The following FMNL2 variants were observed in gnomAD, a reference collection of about 807,000 sequenced individuals.
FMNL2 encodes formin like 2, also known as formin-like protein 2.
A neutral mutation model predicts 130.2 loss-of-function variants in FMNL2; 51 were observed. The observed-to-expected ratio is 0.39, with a 90% CI of 0.31 to 0.49. The LOEUF (loss-of-function observed/expected upper bound fraction) is 0.49. Ranked by LOEUF, FMNL2 falls within the 20% of genes least tolerant of loss-of-function variation. The pLI is 0.85. For missense variants in FMNL2, 977 were observed against 1,316.2 expected (o/e 0.74, Z 3.99); for synonymous variants, 465 against 467.1 (o/e 1.00, Z 0.06).
intron 1 of FMNL2, among the ~76,000 whole-genome samples, chr2:152,412,394 C>T (rs1471178784): frequency 7.1e-6 from 1 of 140,552 alleles, no homozygotes. Flanking sequence ...TTTTCTGATT[C>T]TGTCTCTTCT....
At chr2:152,356,957 T>TAA (rs1290057399) in intron 1 of FMNL2, among the ~76,000 whole-genome samples, 1 of 149,074 alleles carries the variant, frequency 6.7e-6, no homozygotes. Context: ...GTAATATATA[T>TAA]AACGATAAAT....
At chr2:152,602,726 G>A (rs1044784094) in intron 9 of FMNL2, among the ~76,000 whole-genome samples, 2 of 152,342 alleles carry the variant, frequency 1.3e-5, no homozygotes, top group Admixed American at 6.5e-5. Context: ...TATAGAATGT[G>A]TAATGATGTA....
rs199978021 is a variant in FMNL2, at chr2:152,515,385, T to A, written c.118-6558T>A. On this transcript the variant is annotated intron_variant, in intron 1 of 25. Transcript: ENST00000288670. ...TATTAAGTATATATTGATTTGACAC[T>A]GTACCTTGCTATCTGTATTCAGCCC... Among the ~76,000 whole-genome samples the A allele has an allele frequency of 2.0e-5, 3 of 152,316 alleles. No homozygotes were observed. The East Asian group carries it at 5.8e-4, about 29-fold the overall frequency.
chr2:152,527,882 C>T (rs777866050), intron 2 of FMNL2, among the ~76,000 whole-genome samples: 16 of 152,030 alleles, frequency 1.1e-4, no homozygotes, highest in South Asian at 4.1e-4. Context: ...CAGGATAAAT[C>T]ATTTCTCCAA....
intron 25 of FMNL2, chr2:152,643,942 T>A (rs1304610745): frequency 3.1e-6 from 3 of 960,708 alleles, no homozygotes; most frequent in Admixed American, 1.2e-4. Context: ...GAACTTACTG[T>A]GTTCAGGTTG....
chr2:152,605,450 C>T (rs989012554), intron 9 of FMNL2, among the ~76,000 whole-genome samples: 106 of 152,256 alleles, frequency 7.0e-4, no homozygotes, highest in African/African-American at 2.3e-3. Flanking sequence ...TCCTGAGTAG[C>T]TGGGACTACA....
At chr2:152,646,167 A>G (rs375844544) in intron 25 of FMNL2, among the ~76,000 whole-genome samples, 10 of 150,246 alleles carry the variant, frequency 6.7e-5, no homozygotes, top group Admixed American at 3.3e-4. Flanking sequence ...CAAAAAAAAA[A>G]AAACAAACAA....
chr2:152,375,897 A>ATAT (rs1553871972), intron 1 of FMNL2, among the ~76,000 whole-genome samples: 3 of 119,886 alleles, frequency 2.5e-5, no homozygotes, highest in African/African-American at 9.3e-5. Flanking sequence ...ATATATATAT[A>ATAT]ATTATTATTA....
chr2:152,448,059 G>T (rs946779342), intron 1 of FMNL2, among the ~76,000 whole-genome samples: 1 of 152,048 alleles, frequency 6.6e-6, no homozygotes, highest in Non-Finnish European at 1.5e-5. Flanking sequence ...AAGCCTGCAG[G>T]TTGAACTCAT....
intron 1 of FMNL2, among the ~76,000 whole-genome samples, chr2:152,476,999 G>A (rs16831174): frequency 0.13 from 19,313 of 151,994 alleles, 1,505 homozygotes; most frequent in East Asian, 0.27. Flanking sequence ...CTTATTTATC[G>A]TCTCAAGCTT....
chr2:152,487,563 A>T (rs1314631233), intron 1 of FMNL2, among the ~76,000 whole-genome samples: 1 of 152,208 alleles, frequency 6.6e-6, no homozygotes, highest in Non-Finnish European at 1.5e-5. Context: ...TTTTAACTTA[A>T]AAGTGGAACC....
chr2:152,394,141 T>C (rs1355518956), intron 1 of FMNL2, among the ~76,000 whole-genome samples: 2 of 152,204 alleles, frequency 1.3e-5, no homozygotes, highest in African/African-American at 4.8e-5. Context: ...TTTGAATTTC[T>C]TACAACATCA....
At chr2:152,601,303 C>CTTTTTTCT (rs1553484829) in intron 9 of FMNL2, among the ~76,000 whole-genome samples, 1 of 134,744 alleles carries the variant, frequency 7.4e-6, no homozygotes, top group Admixed American at 7.8e-5. Context: ...TTTCTTTTTT[C>CTTTTTTCT]TTTTTTTTTT....
At chr2:152,389,838 T>C (rs1685001822) in intron 1 of FMNL2, 6 of 1,161,200 alleles carry the variant, frequency 5.2e-6, no homozygotes, top group Non-Finnish European at 7.7e-6. Context: ...CAAAGAAGCT[T>C]ATCATACAGA....
chr2:152,507,816 G>A (rs958788600), intron 1 of FMNL2, among the ~76,000 whole-genome samples: 1 of 151,964 alleles, frequency 6.6e-6, no homozygotes, highest in African/African-American at 2.4e-5. Context: ...TAGAAACACC[G>A]AGACTCAGAG....
chr2:152,511,789 G>C (rs1156779745), intron 1 of FMNL2, among the ~76,000 whole-genome samples: 2 of 152,154 alleles, frequency 1.3e-5, no homozygotes, highest in Non-Finnish European at 2.9e-5. Flanking sequence ...GGGAGAGTGA[G>C]GCCAGGGTTC....
At chr2:152,627,422 TA>T (rs1681866317) in intron 17 of FMNL2, among the ~76,000 whole-genome samples, 1 of 152,228 alleles carries the variant, frequency 6.6e-6, no homozygotes, top group Admixed American at 6.5e-5. Context: ...TTTTAGGAAC[TA>T]ATTATTTATA....
intron 21 of FMNL2, among the ~76,000 whole-genome samples, chr2:152,633,082 T>C (rs1227874832): frequency 1.3e-5 from 2 of 152,074 alleles, no homozygotes; most frequent in African/African-American, 4.8e-5. Context: ...TGCATGTCCA[T>C]TGCAATCTGT....
At position 152,648,630 on chromosome 2, in the gene FMNL2, A is replaced by C. The variant is rs2106001751; in HGVS notation, c.*725A>C. ...AAGTGTATTTATTAGCATTAAAATTAACATCTCAGTAATCAGCATTAGCAT... is the reference window on the plus strand; with the variant it reads ...AAGTGTATTTATTAGCATTAAAATTCACATCTCAGTAATCAGCATTAGCAT... On this transcript the variant is annotated 3_prime_UTR_variant, in exon 26 of 26. Coordinates refer to ENST00000288670, the MANE Select transcript of FMNL2 (RefSeq NM_052905.4). The C allele has an allele frequency of 6.5e-6, 1 of 152,780 alleles. No individual in the cohort carries two copies. Among genetic ancestry groups the C allele is most frequent in the South Asian group, 2.1e-4 (1 of 4,824 alleles). The allele number at this position is 152,780 out of a possible 1,614,324, so 9.5% of individuals were successfully genotyped here.
Sources: allele counts gnomAD v4.1 joint callset (sites outside exome capture counted in the v4.1 genomes callset), GRCh38; gene constraint gnomAD v4.1.1; transcripts MANE v1.5; gene names NCBI Gene and HGNC (gene_info 2026-07-23, HGNC 2026-07-21).